IQCE: variants seen among roughly 807,000 people sequenced by gnomAD.
IQCE encodes IQ domain-containing protein E.
Under a neutral mutation model 96.0 loss-of-function variants are expected in IQCE, and 115 were observed. That is an observed-to-expected ratio of 1.20 (90% CI 1.03 to 1.40). The LOEUF (loss-of-function observed/expected upper bound fraction) is 1.40, where lower values mean the gene tolerates loss of function less well. Among genes scored for constraint, IQCE ranks in the 40% most tolerant of loss-of-function variants. The probability of loss-of-function intolerance (pLI) is 0.00; values close to 1 mark genes in which losing one functional copy is unlikely to be tolerated. For synonymous variants in IQCE, 412 were observed against 371.2 expected, an observed-to-expected ratio of 1.11 and a Z score of -1.26; for missense variants, 1,041 against 909.1, an observed-to-expected ratio of 1.15 and a Z score of -1.87.
At chr7:2,600,988 C>G (rs966050874) in intron 17 of IQCE, among the ~76,000 whole-genome samples, 1 of 152,298 alleles carries the variant, frequency 6.6e-6, no homozygotes, top group East Asian at 1.9e-4. Flanking sequence ...GACCCCTGAA[C>G]CAAAGTCCCC....
intron 12 of IQCE, 97 bp from the exon 13 acceptor site, chr7:2,587,725 G>C: frequency 1.6e-6 from 2 of 1,247,916 alleles, no homozygotes. Context: ...AGGCTGCTCC[G>C]GCTGCGGAAG....
In IQCE at chr7:2,612,482, G is replaced by C. The variant is rs2128476672; in HGVS notation, c.*2320G>C. The C allele has an allele frequency of 6.6e-6, 1 of 152,372 alleles. No individual in the cohort carries two copies. The highest frequency in any genetic ancestry group is 2.1e-4 in the South Asian group (1 of 4,836). 9.4% of individuals were successfully genotyped at this position (152,372 alleles called of 1,614,324 possible). ...CCAGGGCCTGGGGGCCAGGGGTTCT[G>C]GCCCTGCGGGGACTTAGGCAGGAGG... is the stretch of plus-strand genomic sequence containing the variant. On this transcript the variant is annotated 3_prime_UTR_variant, in exon 22 of 22. Transcript: ENST00000402050.
At position 2,594,958 on chromosome 7, in the gene IQCE, C is replaced by T. The variant is rs949416200; in HGVS notation, c.1422C>T (p.Cys474=). Residue 474 remains cysteine (C), a synonymous_variant, in exon 16 of 22, where the codon TGC becomes TGT. Coordinates refer to ENST00000402050, the MANE Select transcript of IQCE (RefSeq NM_152558.5). ...TGAAGAAAGAAGAGAAAGAGGATTG[C>T]CCGGAAGTTCCTCATAAGGTACAGT... ...QEMKKEEKED[C]PEVPHKAQEL... is the part of the protein sequence containing the mutation. The T allele has an allele frequency of 3.7e-6, 6 of 1,612,126 alleles. No individual in the cohort carries two copies. In the African/African-American group the frequency reaches 5.3e-5, roughly 14 times the overall value.
Position 2,578,262 on chromosome 7 carries a change from C to A in IQCE, c.486C>A (p.Ser162Arg). Reference protein sequence around the residue: ...ELKKSLHVQKSDVDLMRTKLR... With the variant: ...ELKKSLHVQKRDVDLMRTKLR... ...TTCAGTCATTGCACGTGCAGAAGAG[C>A]GACGTGGACCTGATGAGAACGAAGC... Residue 162 changes from serine to arginine, a missense_variant, in exon 7 of 22, where the codon AGC (serine) becomes AGA (arginine). Physicochemically the swap from Ser to Arg is moderately radical, Grantham distance 110. Coordinates refer to ENST00000402050, the MANE Select transcript of IQCE (RefSeq NM_152558.5). 6.2e-7 allele frequency: 1 copy of A among 1,613,492 alleles called. No individual in the cohort carries two copies. The highest frequency in any genetic ancestry group is 8.5e-7 in the Non-Finnish European group (1 of 1,179,526).
chr7:2,571,052 CT>C, intron 3 of IQCE, among the ~76,000 whole-genome samples: 1 of 151,758 alleles, frequency 6.6e-6, no homozygotes, highest in East Asian at 1.9e-4. Context: ...TAAGAAAAGC[CT>C]GTTACCCAGG....
intron 12 of IQCE, among the ~76,000 whole-genome samples, chr7:2,587,195 C>T (rs1783190610): frequency 6.6e-6 from 1 of 151,954 alleles, no homozygotes. Context: ...TTGCTATTTC[C>T]TGAGATGGGG....
chr7:2,597,114 A>G (rs1028752652), intron 16 of IQCE: 8 of 470,370 alleles, frequency 1.7e-5, no homozygotes, highest in Admixed American at 2.3e-5. Context: ...GGCCTTTATC[A>G]TGAGAAGGAG....
chr7:2,575,112 T>G (rs1051245460), intron 6 of IQCE, among the ~76,000 whole-genome samples: 1 of 152,264 alleles, frequency 6.6e-6, no homozygotes, highest in Non-Finnish European at 1.5e-5. Context: ...GGTTGAGCTA[T>G]TCTTGGTTCT....
chr7:2,561,124 A>C (rs1206784048), intron 1 of IQCE, among the ~76,000 whole-genome samples: 1 of 102,074 alleles, frequency 9.8e-6, no homozygotes, highest in African/African-American at 5.5e-5. Flanking sequence ...CACCCAGCTA[A>C]TTTTTCTATT....
In IQCE at chr7:2,613,860, T is replaced by G. The variant is rs977357986; in HGVS notation, c.*3698T>G. The G allele has an allele frequency of 3.3e-5, 5 of 152,134 alleles. No individual in the cohort carries two copies. The highest frequency in any genetic ancestry group is 9.7e-5 in the African/African-American group (4 of 41,408). 9.4% of individuals were successfully genotyped at this position (152,134 alleles called of 1,614,324 possible). ...CAGAGAAGACCACCAAGACCACCGT[T>G]CCCGCAGGCCTGGGGTGAGTGACCT... On this transcript the variant is annotated 3_prime_UTR_variant, in exon 22 of 22. Transcript: ENST00000402050.
rs747021575 is a variant in IQCE, at chr7:2,590,016, A to G, written c.1154A>G (p.Asp385Gly). The G allele has an allele frequency of 1.2e-6, 2 of 1,613,876 alleles. No homozygotes were observed. The highest frequency in any genetic ancestry group is 1.7e-6 in the Non-Finnish European group (2 of 1,180,000). Residue 385 changes from aspartate to glycine, a missense_variant, in exon 14 of 22, where the codon GAC becomes GGC. Physicochemically the swap from Asp to Gly is moderately conservative, Grantham distance 94. Coordinates refer to ENST00000402050, the MANE Select transcript of IQCE (RefSeq NM_152558.5). ...SSALHRQPRG[D>G]RNKDHERLRG... Reference sequence around the variant, plus strand: ...GCGCTGCACAGACAGCCACGAGGGGACCGCAACAAGGACCACGAGCGTCTC... The same window carrying G: ...GCGCTGCACAGACAGCCACGAGGGGGCCGCAACAAGGACCACGAGCGTCTC...
intron 19 of IQCE, 125 bp from the exon 20 acceptor site, chr7:2,605,751 G>A (rs1784769536): frequency 2.0e-6 from 2 of 992,904 alleles, no homozygotes; most frequent in Non-Finnish European, 2.7e-6. Context: ...GGGAGGCAGG[G>A]CCATCTGAAA....
At chr7:2,605,015 C>T in intron 19 of IQCE, 24 bp downstream of exon 19, 1 of 1,519,816 alleles carries the variant, frequency 6.6e-7, no homozygotes. Flanking sequence ...GCTGGACGTC[C>T]CAGTGGCCAT....
chr7:2,583,585 G>T, intron 9 of IQCE, 52 bp from the exon 10 acceptor site: 1 of 1,400,072 alleles, frequency 7.1e-7, no homozygotes, highest in Middle Eastern at 1.8e-4. Context: ...CTCTTGCTCT[G>T]TCCCCTGGGA....
At chr7:2,586,165 A>G (rs1783091831) in intron 11 of IQCE, 43 bp from the exon 12 acceptor site, 1 of 1,574,528 alleles carries the variant, frequency 6.4e-7, no homozygotes, top group Non-Finnish European at 8.6e-7. Context: ...GTGTGAAACC[A>G]GCTTAGCAAT....
At chr7:2,568,921 A>C (rs1402589789) in intron 2 of IQCE, 33 bp from the exon 3 acceptor site, 1 of 1,604,606 alleles carries the variant, frequency 6.2e-7, no homozygotes, top group Non-Finnish European at 8.5e-7. Context: ...GTGGGAGCTC[A>C]GCAAGCCTTA....
chr7:2,604,185 A>G (rs939990544), intron 18 of IQCE, among the ~76,000 whole-genome samples: 1 of 151,830 alleles, frequency 6.6e-6, no homozygotes, highest in Non-Finnish European at 1.5e-5. Context: ...ACAGGTTTTT[A>G]CCATATTGAC....
At chr7:2,589,826 T>G in intron 13 of IQCE, 81 bp from the exon 14 acceptor site, 2 of 1,408,090 alleles carry the variant, frequency 1.4e-6, no homozygotes, top group Non-Finnish European at 2.0e-6. Context: ...TTTGCCCTGG[T>G]TCAGTGTCTC....
At chr7:2,596,313 AG>A (rs1784035070) in intron 16 of IQCE, among the ~76,000 whole-genome samples, 4 of 151,128 alleles carry the variant, frequency 2.6e-5, no homozygotes, top group African/African-American at 9.8e-5. Flanking sequence ...CTGAAAATAG[AG>A]GAGAGAGAGA....
Sources: allele counts gnomAD v4.1 joint callset (sites outside exome capture counted in the v4.1 genomes callset), GRCh38; gene constraint gnomAD v4.1.1; transcripts MANE v1.5; gene names NCBI Gene and HGNC (gene_info 2026-07-23, HGNC 2026-07-21).